TENM3: variants seen among roughly 807,000 people sequenced by gnomAD.
TENM3 encodes the protein teneurin-3.
TENM3 carries 63 observed loss-of-function variants against 255.1 expected under a neutral mutation model. That is an observed-to-expected ratio of 0.25 (90% CI 0.20 to 0.30). The LOEUF (loss-of-function observed/expected upper bound fraction) is 0.30, where lower values mean the gene tolerates loss of function less well. Among genes scored for constraint, TENM3 ranks in the 10% least tolerant of loss-of-function variants. The pLI is 1.00. For missense variants in TENM3, 2,929 were observed against 3,461.1 expected, an observed-to-expected ratio of 0.85 and a Z score of 3.86; for synonymous variants, 1,306 against 1,322.3, an observed-to-expected ratio of 0.99 and a Z score of 0.27.
chr4:182,519,540 G>T (rs966902649), intron 3 of TENM3, among the ~76,000 whole-genome samples: 1 of 152,116 alleles, frequency 6.6e-6, no homozygotes, highest in Non-Finnish European at 1.5e-5. Context: ...GCAACCCCAG[G>T]AAAGCTTAAA....
the TENM3 span, among the ~76,000 whole-genome samples, chr4:181,625,878 G>T: frequency 5.3e-5 from 8 of 151,928 alleles, no homozygotes; most frequent in African/African-American, 1.9e-4. Flanking sequence ...TTCAGTCAAA[G>T]TAGAGTGGGA....
At chr4:182,712,981 AT>A (rs1758869518) in intron 12 of TENM3, among the ~76,000 whole-genome samples, 3 of 152,352 alleles carry the variant, frequency 2.0e-5, no homozygotes, top group African/African-American at 7.2e-5. Context: ...GGACACCAGA[AT>A]CTACCCAAGT....
chr4:182,145,692 T>G (rs1412581818), intron 1 of TENM3, among the ~76,000 whole-genome samples: 1 of 152,202 alleles, frequency 6.6e-6, no homozygotes, highest in East Asian at 1.9e-4. Flanking sequence ...GAGAAAAGTT[T>G]CCAGGTACGT....
chr4:181,566,283 T>C, the TENM3 span, among the ~76,000 whole-genome samples: 173 of 152,322 alleles, frequency 1.1e-3, 4 homozygotes, highest in Admixed American at 2.6e-4. Context: ...ATCAAACTAG[T>C]GTTTCAGAAA....
At chr4:182,081,819 C>T in the TENM3 span, 3 of 151,968 alleles carry the variant, frequency 2.0e-5, no homozygotes, top group African/African-American at 7.3e-5. Flanking sequence ...GAAATTCTAG[C>T]ACTGAACCTA....
At chr4:182,578,366 T>G (rs1391836233) in intron 3 of TENM3, among the ~76,000 whole-genome samples, 1 of 152,202 alleles carries the variant, frequency 6.6e-6, no homozygotes, top group Non-Finnish European at 1.5e-5. Flanking sequence ...ATTTACTAAT[T>G]TATTATGTTT....
chr4:181,502,995 G>A, the TENM3 span, among the ~76,000 whole-genome samples: 251 of 152,290 alleles, frequency 1.6e-3, no homozygotes, highest in African/African-American at 5.6e-3. Context: ...ACCATTTACA[G>A]CTTCCCTTCT....
chr4:182,393,323 T>G (rs1461096870), intron 3 of TENM3, among the ~76,000 whole-genome samples: 1 of 152,086 alleles, frequency 6.6e-6, no homozygotes, highest in African/African-American at 2.4e-5. Flanking sequence ...AAAGGCAGAA[T>G]GCGATGGATG....
the TENM3 span, among the ~76,000 whole-genome samples, chr4:181,700,667 A>G: frequency 6.6e-6 from 1 of 152,200 alleles, no homozygotes; most frequent in South Asian, 2.1e-4. Context: ...TGCTGCAAAA[A>G]TGATGAGCCA....
Position 182,628,647 on chromosome 4 carries a change from A to C in TENM3, c.750-4A>C. On this transcript the variant is annotated splice_region_variant and splice_polypyrimidine_tract_variant and intron_variant, in intron 4 of 27. Transcript: ENST00000511685. ...TCTTATAATGATATTCTCCTTTTCC[A>C]CAGGCATTTCCTATTCAAAACAGGA... 1 of 1,548,980 alleles carries C rather than the reference A, an allele frequency of 6.5e-7. No homozygotes were observed. Among genetic ancestry groups the C allele is most frequent in the Non-Finnish European group, 8.8e-7 (1 of 1,136,208 alleles).
At chr4:181,905,274 T>G in the TENM3 span, among the ~76,000 whole-genome samples, 1 of 152,178 alleles carries the variant, frequency 6.6e-6, no homozygotes, top group Non-Finnish European at 1.5e-5. Context: ...GTGGTAAGCC[T>G]TCATAAGAGC....
the TENM3 span, among the ~76,000 whole-genome samples, chr4:181,793,743 C>T: frequency 6.6e-6 from 1 of 152,286 alleles, no homozygotes; most frequent in Non-Finnish European, 1.5e-5. Flanking sequence ...GGCTGGCTTT[C>T]CCATACATAC....
At chr4:181,472,900 A>C in the TENM3 span, among the ~76,000 whole-genome samples, 1 of 152,182 alleles carries the variant, frequency 6.6e-6, no homozygotes, top group African/African-American at 2.4e-5. Context: ...AATTCTTACA[A>C]GAATAAATGG....
chr4:181,845,590 C>T, the TENM3 span, among the ~76,000 whole-genome samples: 1 of 152,186 alleles, frequency 6.6e-6, no homozygotes, highest in South Asian at 2.1e-4. Flanking sequence ...ACTTACTTTG[C>T]CATTCCTCTC....
At chr4:182,360,787 T>C (rs555144194) in intron 3 of TENM3, among the ~76,000 whole-genome samples, 1,616 of 152,244 alleles carry the variant, frequency 0.011, 33 homozygotes, top group African/African-American at 0.037. Flanking sequence ...GTTATTTTGC[T>C]CGTTAGTTGA....
At chr4:182,543,456 G>C (rs978686814) in intron 3 of TENM3, among the ~76,000 whole-genome samples, 1 of 152,162 alleles carries the variant, frequency 6.6e-6, no homozygotes, top group Non-Finnish European at 1.5e-5. Context: ...CCAGTTGTTG[G>C]TGTATGCTGA....
At chr4:182,158,556 A>C (rs567217947) in intron 1 of TENM3, among the ~76,000 whole-genome samples, 1 of 152,180 alleles carries the variant, frequency 6.6e-6, no homozygotes, top group Non-Finnish European at 1.5e-5. Flanking sequence ...TTCAGTTTAC[A>C]GTACACTTCT....
the TENM3 span, among the ~76,000 whole-genome samples, chr4:181,590,752 A>T: frequency 1.3e-5 from 2 of 152,228 alleles, no homozygotes; most frequent in African/African-American, 4.8e-5. Flanking sequence ...TTTGAACTGG[A>T]TTTCCAAGGA....
intron 3 of TENM3, among the ~76,000 whole-genome samples, chr4:182,361,564 G>A (rs1381604575): frequency 6.6e-6 from 1 of 151,968 alleles, no homozygotes; most frequent in Non-Finnish European, 1.5e-5. Flanking sequence ...TTGGCTTTCA[G>A]CTCCATCAGC....
Sources: gnomAD v4.1 joint callset for allele counts (sites outside exome capture counted in the v4.1 genomes callset) on GRCh38, gnomAD v4.1.1 for gene constraint, MANE v1.5 for transcripts, NCBI Gene and HGNC (gene_info 2026-07-23, HGNC 2026-07-21) for gene names.